Variants in NDUFB10 observed in about 807,000 individuals in gnomAD.
The protein encoded by NDUFB10 is NADH dehydrogenase [ubiquinone] 1 beta subcomplex subunit 10.
A neutral mutation model predicts 19.0 loss-of-function variants in NDUFB10; 23 were observed. The ratio of observed to expected loss-of-function variants is 1.21; its 90% confidence interval spans 0.87 to 1.71. The LOEUF is 1.71. Ranked by LOEUF, NDUFB10 falls within the 40% of genes most tolerant of loss-of-function variation. NDUFB10 has a pLI of 0.00. For missense variants in NDUFB10, 312 were observed against 230.6 expected, an observed-to-expected ratio of 1.35 and a Z score of -2.29; for synonymous variants, 104 against 81.8, an observed-to-expected ratio of 1.27 and a Z score of -1.46.
chr16:1,959,821 G>C, intron 1 of NDUFB10, 67 bp downstream of exon 1: 2 of 1,594,218 alleles, frequency 1.3e-6, no homozygotes, highest in Non-Finnish European at 1.7e-6. Flanking sequence ...CACCCTGCCT[G>C]GATCCTCCAA....
chr16:1,961,177 A>C lies in NDUFB10; in HGVS notation c.155A>C (p.Lys52Thr). 6.2e-7 allele frequency: 1 copy of C among 1,614,120 alleles called. No individual in the cohort carries two copies. The highest frequency in any genetic ancestry group is 8.5e-7 in the Non-Finnish European group (1 of 1,180,014). Residue 52 changes from lysine (K) to threonine (T), a missense_variant, in exon 2 of 4, where the codon AAG becomes ACG. Physicochemically the swap from Lys to Thr is moderately conservative, Grantham distance 78 (BLOSUM62 -1). Transcript: ENST00000268668. ...VREFIERQHA[K>T]NRYYYYHRQY... ...GAATTTATAGAGCGGCAGCACGCAAAGAACAGGTATTACTACTACCACCGG... is the reference window on the plus strand; with the variant it reads ...GAATTTATAGAGCGGCAGCACGCAACGAACAGGTATTACTACTACCACCGG...
In NDUFB10 at chr16:1,961,200, C is replaced by T. The variant is rs781064867; in HGVS notation, c.178C>T (p.Arg60Trp). Residue 60 changes from arginine (R) to tryptophan (W), a missense_variant, in exon 2 of 4, where the codon CGG (arginine) becomes TGG (tryptophan). By Grantham distance (101) the Arg-to-Trp change is moderately radical. Transcript: ENST00000268668. ...AAAGAACAGGTATTACTACTACCAC[C>T]GGCAGTACCGCCGCGTGCCAGACAT... ...HAKNRYYYYHRQYRRVPDITE... is the reference protein window; with the variant it reads ...HAKNRYYYYHWQYRRVPDITE... 7 of 1,613,984 alleles carry T rather than the reference C, an allele frequency of 4.3e-6. No individual in the cohort carries two copies. Among genetic ancestry groups the T allele is most frequent in the South Asian group, 1.1e-5 (1 of 91,082 alleles).
In NDUFB10 at chr16:1,959,768, G is replaced by C; in HGVS notation, c.130+14G>C. ...CCCTCGTGAGAGGTACGAAGCCCCA[G>C]CCCGGGGCTCCCTCGCCGGCCTCTG... On this transcript the variant is annotated intron_variant, in intron 1 of 3. Transcript: ENST00000268668. 1 of 1,612,512 alleles carries C rather than the reference G, an allele frequency of 6.2e-7. No homozygotes were observed. Among genetic ancestry groups the C allele is most frequent in the Non-Finnish European group, 8.5e-7 (1 of 1,179,460 alleles).
At chr16:1,960,575 C>T (rs1046453476) in intron 1 of NDUFB10, among the ~76,000 whole-genome samples, 3 of 152,168 alleles carry the variant, frequency 2.0e-5, no homozygotes, top group African/African-American at 7.2e-5. Context: ...GTGGTTCTTC[C>T]GTAAGAGGGT....
At chr16:1,960,982 C>T (rs927179813) in intron 1 of NDUFB10, among the ~76,000 whole-genome samples, 171 bp from the exon 2 acceptor site, 1 of 152,242 alleles carries the variant, frequency 6.6e-6, no homozygotes, top group Admixed American at 6.5e-5. Context: ...TAGGCCTTCA[C>T]AGGCCTGCCT....
In NDUFB10 at chr16:1,959,562, A is replaced by ACC; in HGVS notation, c.-61_-60dup. On this transcript the variant is annotated 5_prime_UTR_variant, in exon 1 of 4. Transcript: ENST00000268668. Reference sequence around the variant, plus strand: ...TGTAGCGGGCGACCTAGGCCGCGGGACCCGGACGGAGGTAGAGGCCAGGGC... The same window carrying ACC: ...TGTAGCGGGCGACCTAGGCCGCGGGACCCCCGGACGGAGGTAGAGGCCAGGGC... 1 of 1,528,894 alleles carries ACC rather than the reference A, an allele frequency of 6.5e-7. No homozygotes were observed. The highest frequency in any genetic ancestry group is 2.5e-5 in the East Asian group (1 of 40,106). The allele number at this position is 1,528,894 out of a possible 1,614,324, so 94.7% of individuals were successfully genotyped here. A position where few individuals can be genotyped will look rare whatever the true frequency, so the allele number is the denominator to read the frequency against.
At position 1,961,643 on chromosome 16, in the gene NDUFB10, G is replaced by GGGCCCCCCCCCCCCCC; in HGVS notation, c.409+7_409+8insGGCCCCCCCCCCCCCC. On this transcript the variant is annotated splice_region_variant and intron_variant, in intron 3 of 3. Transcript: ENST00000268668. ...AAGGCCTACCAGGACCGCTGTGCGT[G>GGGCCCCCCCCCCCCCC]CCCCACCCACCCCCAACCCCCCACC... The GGGCCCCCCCCCCCCCC allele has an allele frequency of 2.6e-6, 4 of 1,547,018 alleles. No individual in the cohort carries two copies. Among genetic ancestry groups the GGGCCCCCCCCCCCCCC allele is most frequent in the Non-Finnish European group, 2.6e-6 (3 of 1,140,924 alleles).
At position 1,961,972 on chromosome 16, in the gene NDUFB10, C is replaced by G; in HGVS notation, c.*66C>G. ...GTTGCTGAAATATAAAGCCCTGCAA[C>G]CTGCCTGTGTGTCTGGTGTGATCTA... On this transcript the variant is annotated 3_prime_UTR_variant, in exon 4 of 4. Transcript: ENST00000268668. The G allele has an allele frequency of 6.0e-6, 9 of 1,492,298 alleles. No homozygotes were observed. Among genetic ancestry groups the G allele is most frequent in the Non-Finnish European group, 8.2e-6 (9 of 1,096,668 alleles). The allele number at this position is 1,492,298 out of a possible 1,614,324, so 92.4% of individuals were successfully genotyped here.
intron 1 of NDUFB10, among the ~76,000 whole-genome samples, chr16:1,960,573 TC>T (rs2083247050): frequency 6.6e-6 from 1 of 152,328 alleles, no homozygotes; most frequent in East Asian, 1.9e-4. Context: ...TGGTGGTTCT[TC>T]CGTAAGAGGG....
Position 1,961,302 on chromosome 16 carries a change from C to A in NDUFB10, c.269+11C>A. ...GTGGAAGAGGGACTAGTACGTGAGC[C>A]ATGCTGGGAGTGTGGAGATCTGCAC... On this transcript the variant is annotated intron_variant, in intron 2 of 3. Transcript: ENST00000268668. 1 of 1,613,722 alleles carries A rather than the reference C, an allele frequency of 6.2e-7. No homozygotes were observed. Among genetic ancestry groups the A allele is most frequent in the South Asian group, 1.1e-5 (1 of 91,062 alleles).
At chr16:1,961,768 T>C (rs2083258036) in intron 3 of NDUFB10, 29 bp from the exon 4 acceptor site, 1 of 1,547,008 alleles carries the variant, frequency 6.5e-7, no homozygotes, top group Non-Finnish European at 8.7e-7. Context: ...GAGGCCTCGG[T>C]TCCCAGCTTG....
In NDUFB10 at chr16:1,961,964, C is replaced by A; in HGVS notation, c.*58C>A. On this transcript the variant is annotated 3_prime_UTR_variant, in exon 4 of 4. Coordinates refer to ENST00000268668, the MANE Select transcript of NDUFB10 (RefSeq NM_004548.3). ...GTATGACTGTTGCTGAAATATAAAG[C>A]CCTGCAACCTGCCTGTGTGTCTGGT... The A allele has an allele frequency of 1.3e-6, 2 of 1,498,050 alleles. No homozygotes were observed. The highest frequency in any genetic ancestry group is 1.8e-6 in the Non-Finnish European group (2 of 1,100,810). The allele number at this position is 1,498,050 out of a possible 1,614,324, so 92.8% of individuals were successfully genotyped here. A position where few individuals can be genotyped will look rare whatever the true frequency, so the allele number is the denominator to read the frequency against.
chr16:1,961,206 TACCGCCGCGTGCCAG>T lies in NDUFB10; in HGVS notation c.187_201del (p.Arg63_Asp67del). 1 of 1,614,152 alleles carries T rather than the reference TACCGCCGCGTGCCAG, an allele frequency of 6.2e-7. No homozygotes were observed. Among genetic ancestry groups the T allele is most frequent in the Non-Finnish European group, 8.5e-7 (1 of 1,180,038 alleles). ...CAGGTATTACTACTACCACCGGCAG[TACCGCCGCGTGCCAG>T]ACATCACTGAGTGCAAGGAGGAGGA... On this transcript the variant is annotated inframe_deletion, in exon 2 of 4. Coordinates refer to ENST00000268668, the MANE Select transcript of NDUFB10 (RefSeq NM_004548.3).
At chr16:1,961,349 T>A in intron 2 of NDUFB10, 58 bp downstream of exon 2, 2 of 1,607,816 alleles carry the variant, frequency 1.2e-6, no homozygotes, top group Non-Finnish European at 1.7e-6. Flanking sequence ...GGGACACTAG[T>A]CCCTGGGATG....
intron 1 of NDUFB10, 56 bp from the exon 2 acceptor site, chr16:1,961,097 G>GCT (rs1567315740): frequency 6.3e-7 from 1 of 1,593,890 alleles, no homozygotes; most frequent in African/African-American, 1.4e-5. Context: ...AAATAAGAAA[G>GCT]CTAAAAGCCT....
rs1597035272 is a variant in NDUFB10, at chr16:1,961,113, A to G, written c.131-40A>G. The G allele has an allele frequency of 3.1e-6, 5 of 1,609,698 alleles. No individual in the cohort carries two copies. The East Asian group carries it at 1.1e-4, about 36-fold the overall frequency. The stretch of plus-strand genomic sequence containing the variant: ...AATAAGAAAGCTAAAAGCCTGTCCA[A>G]ACCGATGAGGCATTTGAGTCTGTGG... On this transcript the variant is annotated intron_variant, in intron 1 of 3. Transcript: ENST00000268668.
At chr16:1,959,887 T>C (rs1597034429) in intron 1 of NDUFB10, 133 bp downstream of exon 1, 5 of 1,233,176 alleles carry the variant, frequency 4.1e-6, no homozygotes, top group Non-Finnish European at 5.6e-6. Flanking sequence ...CGGGGACAAC[T>C]CCCCACCCCC....
chr16:1,960,844 G>T (rs1369621830), intron 1 of NDUFB10, among the ~76,000 whole-genome samples: 1 of 152,244 alleles, frequency 6.6e-6, no homozygotes, highest in Non-Finnish European at 1.5e-5. Flanking sequence ...TGGCAGAGCT[G>T]CGTCCCAGTC....
Position 1,961,643 on chromosome 16 carries a change from G to GGGGCCCCCCCCCCCCCCCCCCC in NDUFB10, c.409+7_409+8insGGGCCCCCCCCCCCCCCCCCCC. 4 of 1,547,166 alleles carry GGGGCCCCCCCCCCCCCCCCCCC rather than the reference G, an allele frequency of 2.6e-6. No individual in the cohort carries two copies. Among genetic ancestry groups the GGGGCCCCCCCCCCCCCCCCCCC allele is most frequent in the Non-Finnish European group, 3.5e-6 (4 of 1,141,034 alleles). On this transcript the variant is annotated splice_region_variant and intron_variant, in intron 3 of 3. Coordinates refer to ENST00000268668, the MANE Select transcript of NDUFB10 (RefSeq NM_004548.3). ...AAGGCCTACCAGGACCGCTGTGCGT[G>GGGGCCCCCCCCCCCCCCCCCCC]CCCCACCCACCCCCAACCCCCCACC...
Sources: allele counts gnomAD v4.1 joint callset (sites outside exome capture counted in the v4.1 genomes callset), GRCh38; gene constraint gnomAD v4.1.1; transcripts MANE v1.5; gene names NCBI Gene and HGNC (gene_info 2026-07-23, HGNC 2026-07-21).